SLC25A31: variants seen among roughly 807,000 people sequenced by gnomAD.
SLC25A31 encodes the protein ADP/ATP translocase 4.
SLC25A31 carries 40 observed loss-of-function variants against 36.2 expected under a neutral mutation model. The observed-to-expected ratio is 1.10, with a 90% CI of 0.86 to 1.44. SLC25A31 has a LOEUF of 1.44. Among genes scored for constraint, SLC25A31 ranks in the 40% most tolerant of loss-of-function variants. The pLI is 0.00. For missense variants in SLC25A31, 350 were observed against 397.1 expected (o/e 0.88, Z 1.01); for synonymous variants, 143 against 149.7 (o/e 0.96, Z 0.32).
At chr4:127,768,702 A>T in intron 4 of SLC25A31, 50 bp from the exon 5 acceptor site, 1 of 1,479,282 alleles carries the variant, frequency 6.8e-7, no homozygotes, top group Non-Finnish European at 9.1e-7. Flanking sequence ...TTAAGAATTT[A>T]AGATATTTTA....
At chr4:127,749,888 G>T (rs1731896262) in intron 2 of SLC25A31, among the ~76,000 whole-genome samples, 1 of 151,938 alleles carries the variant, frequency 6.6e-6, no homozygotes, top group Admixed American at 6.6e-5. Context: ...AATTAACAAA[G>T]AATACTAGGA....
intron 2 of SLC25A31, among the ~76,000 whole-genome samples, chr4:127,756,361 C>A (rs979384554): frequency 6.6e-6 from 1 of 152,106 alleles, no homozygotes; most frequent in African/African-American, 2.4e-5. Flanking sequence ...GTACATCCCA[C>A]TTATATATGG....
At chr4:127,762,332 T>C (rs959851666) in intron 2 of SLC25A31, among the ~76,000 whole-genome samples, 1 of 151,682 alleles carries the variant, frequency 6.6e-6, no homozygotes, top group African/African-American at 2.4e-5. Context: ...CAAAAAAGAG[T>C]GTGTCTTATG....
intron 3 of SLC25A31, among the ~76,000 whole-genome samples, chr4:127,766,329 G>A (rs1732242938): frequency 6.6e-6 from 1 of 151,582 alleles, no homozygotes; most frequent in Non-Finnish European, 1.5e-5. Context: ...CACGACGCCT[G>A]GCTAATTTTT....
intron 1 of SLC25A31, among the ~76,000 whole-genome samples, chr4:127,738,089 G>A (rs1731667151): frequency 6.6e-6 from 1 of 152,028 alleles, no homozygotes; most frequent in African/African-American, 2.4e-5. Flanking sequence ...TTCTTTTTAG[G>A]AGAGGGTCTC....
intron 2 of SLC25A31, among the ~76,000 whole-genome samples, chr4:127,763,206 T>C (rs1028291140): frequency 3.9e-5 from 6 of 152,158 alleles, no homozygotes; most frequent in East Asian, 1.9e-4. Flanking sequence ...TATGATCATA[T>C]ACAGTTTCAA....
At chr4:127,734,429 G>A (rs563355876) in intron 1 of SLC25A31, among the ~76,000 whole-genome samples, 27 of 151,856 alleles carry the variant, frequency 1.8e-4, no homozygotes, top group Non-Finnish European at 3.7e-4. Context: ...GCATGGTGGC[G>A]CACGCCTATA....
intron 2 of SLC25A31, 98 bp downstream of exon 2, chr4:127,744,897 A>G: frequency 2.1e-6 from 2 of 953,726 alleles, no homozygotes; most frequent in Non-Finnish European, 1.4e-6. Context: ...CTATCTCTAA[A>G]ATTTTCTTTA....
At chr4:127,752,349 C>T (rs1731950957) in intron 2 of SLC25A31, among the ~76,000 whole-genome samples, 2 of 151,064 alleles carry the variant, frequency 1.3e-5, no homozygotes, top group Admixed American at 6.6e-5. Context: ...TGTTCTCACT[C>T]ATAGGTGGGA....
At chr4:127,759,674 G>A (rs370126668) in intron 2 of SLC25A31, among the ~76,000 whole-genome samples, 22 of 152,098 alleles carry the variant, frequency 1.4e-4, no homozygotes, top group Non-Finnish European at 7.4e-5. Flanking sequence ...GGGGAGATGG[G>A]GAGTTAGTGT....
chr4:127,750,529 T>C (rs1264217059), intron 2 of SLC25A31, among the ~76,000 whole-genome samples: 1 of 152,218 alleles, frequency 6.6e-6, no homozygotes, highest in Non-Finnish European at 1.5e-5. Context: ...TCACTTTTAA[T>C]CCTTAACGTC....
At chr4:127,748,095 C>A (rs939957560) in intron 2 of SLC25A31, among the ~76,000 whole-genome samples, 5 of 152,194 alleles carry the variant, frequency 3.3e-5, no homozygotes, top group African/African-American at 1.2e-4. Flanking sequence ...TGGAATGTGA[C>A]TGACCTTAGC....
chr4:127,750,226 T>C (rs1731903866), intron 2 of SLC25A31, among the ~76,000 whole-genome samples: 1 of 151,878 alleles, frequency 6.6e-6, no homozygotes, highest in Non-Finnish European at 1.5e-5. Context: ...CATGAAAACA[T>C]ATGAAAGTAT....
At chr4:127,754,201 C>G (rs1266434404) in intron 2 of SLC25A31, among the ~76,000 whole-genome samples, 1 of 152,048 alleles carries the variant, frequency 6.6e-6, no homozygotes, top group African/African-American at 2.4e-5. Flanking sequence ...TTATATACAA[C>G]AGTGAAAAGT....
chr4:127,736,160 A>G (rs1319030511), intron 1 of SLC25A31, among the ~76,000 whole-genome samples: 3 of 152,044 alleles, frequency 2.0e-5, no homozygotes, highest in Non-Finnish European at 2.9e-5. Flanking sequence ...AAGTGCTGGG[A>G]TTACAGGCGT....
intron 2 of SLC25A31, among the ~76,000 whole-genome samples, chr4:127,752,569 A>G (rs1046474010): frequency 2.5e-4 from 34 of 138,414 alleles, no homozygotes; most frequent in Admixed American, 1.7e-3. Context: ...AAGTATAATA[A>G]AAAAAAAAAA....
At chr4:127,759,152 A>G (rs1046285841) in intron 2 of SLC25A31, among the ~76,000 whole-genome samples, 8 of 151,332 alleles carry the variant, frequency 5.3e-5, no homozygotes, top group Admixed American at 6.6e-5. Context: ...TTCTTCCATC[A>G]ATGTTTTGTA....
At chr4:127,730,826 G>A (rs1731509327) in intron 1 of SLC25A31, 49 bp downstream of exon 1, 1 of 1,532,784 alleles carries the variant, frequency 6.5e-7, no homozygotes. Flanking sequence ...GCCCTCGTCA[G>A]CTTCCCAGAG....
chr4:127,757,013 A>G (rs1560637070), intron 2 of SLC25A31, among the ~76,000 whole-genome samples: 2 of 152,246 alleles, frequency 1.3e-5, no homozygotes, highest in Admixed American at 1.3e-4. Flanking sequence ...ACCAGTGTAC[A>G]CAATGTTCAG....
Sources: gnomAD v4.1 joint callset for allele counts (sites outside exome capture counted in the v4.1 genomes callset) on GRCh38, gnomAD v4.1.1 for gene constraint, MANE v1.5 for transcripts, NCBI Gene and HGNC (gene_info 2026-07-23, HGNC 2026-07-21) for gene names.